Variants in KCNN2 observed in about 807,000 individuals in gnomAD.
The protein encoded by KCNN2 is potassium calcium-activated channel subfamily N member 2.
A neutral mutation model predicts 55.5 loss-of-function variants in KCNN2; 24 were observed. The ratio of observed to expected loss-of-function variants is 0.43; its 90% CI spans 0.31 to 0.61. KCNN2 has a LOEUF of 0.61. Ranked by LOEUF, KCNN2 falls within the 20% of genes least tolerant of loss-of-function variation. The probability of loss-of-function intolerance (pLI) is 0.08; values close to 1 mark genes in which losing one functional copy is unlikely to be tolerated. For missense variants in KCNN2, 754 were observed against 853.6 expected (o/e 0.88, Z 1.45); for synonymous variants, 431 against 336.1 (o/e 1.28, Z -3.09).
intron 2 of KCNN2, among the ~76,000 whole-genome samples, chr5:114,286,355 A>G (rs1056434575): frequency 6.6e-6 from 1 of 152,172 alleles, no homozygotes; most frequent in East Asian, 1.9e-4. Flanking sequence ...GATGCTCAAC[A>G]TGTTAGTCTG....
intron 2 of KCNN2, among the ~76,000 whole-genome samples, chr5:114,386,461 A>C (rs552765433): frequency 1.3e-5 from 2 of 152,276 alleles, no homozygotes; most frequent in African/African-American, 4.8e-5. Context: ...TCTTTCTATC[A>C]CTTCCCCAAA....
chr5:114,428,052 G>A (rs936144968), intron 3 of KCNN2, among the ~76,000 whole-genome samples: 2 of 152,206 alleles, frequency 1.3e-5, no homozygotes, highest in African/African-American at 4.8e-5. Context: ...TCTGTCTGAA[G>A]TTAAGAGTAA....
Position 114,142,885 on chromosome 5 carries a change from C to CA in KCNN2, c.-270-78589dup, listed in dbSNP as rs529542971. ...AACTACTTTAAAGTTCATATGGAAC[C>CA]AAAAAAGAGCCCGCATTGACAAGAC... On this transcript the variant is annotated intron_variant, in intron 1 of 10. Transcript: ENST00000512097. 4.8e-4 allele frequency among the ~76,000 whole-genome samples: 73 copies of CA among 152,140 alleles called. 1 individual carries two copies. In the South Asian group the frequency reaches 6.2e-3, roughly 13 times the overall value.
intron 3 of KCNN2, among the ~76,000 whole-genome samples, chr5:114,454,797 C>T (rs1760848438): frequency 6.6e-6 from 1 of 152,166 alleles, no homozygotes; most frequent in Non-Finnish European, 1.5e-5. Flanking sequence ...TAATCAGTTC[C>T]CCTGGTTTTA....
chr5:114,277,410 T>C (rs113482617), intron 2 of KCNN2, among the ~76,000 whole-genome samples: 3,857 of 152,294 alleles, frequency 0.025, 166 homozygotes, highest in African/African-American at 0.089. Flanking sequence ...GAAGTTCTCT[T>C]GGATAATATC....
At chr5:114,292,472 T>A (rs1755912705) in intron 2 of KCNN2, among the ~76,000 whole-genome samples, 1 of 152,240 alleles carries the variant, frequency 6.6e-6, no homozygotes, top group African/African-American at 2.4e-5. Flanking sequence ...TGCTTGTTTT[T>A]GCCAGGTTTG....
intron 2 of KCNN2, among the ~76,000 whole-genome samples, chr5:114,258,449 G>A (rs1026726370): frequency 9.2e-5 from 14 of 152,098 alleles, no homozygotes; most frequent in African/African-American, 3.4e-4. Context: ...GGGAGAATTT[G>A]GCTGTGAATC....
At position 114,309,026 on chromosome 5, in the gene KCNN2, T is replaced by G. The variant is rs928859704; in HGVS notation, c.-184-51919T>G. ...TATTAAAGAAATTGGAATGTTTAAT[T>G]CTAACACTTGATTTTGGCCTGAAGG... On this transcript the variant is annotated intron_variant, in intron 2 of 10. Coordinates refer to the KCNN2 transcript ENST00000512097. Among the ~76,000 whole-genome samples, 6 of 152,180 alleles carry G rather than the reference T, an allele frequency of 3.9e-5. No individual in the cohort carries two copies. In the East Asian group the frequency reaches 1.2e-3, roughly 29 times the overall value.
intron 1 of KCNN2, among the ~76,000 whole-genome samples, chr5:114,187,130 A>C (rs937032130): frequency 1.3e-5 from 2 of 152,190 alleles, no homozygotes; most frequent in Non-Finnish European, 2.9e-5. Context: ...ATAGTTATTA[A>C]TTTTATCCTA....
intron 1 of KCNN2, among the ~76,000 whole-genome samples, chr5:114,164,540 G>T (rs114488669): frequency 0.031 from 4,693 of 152,134 alleles, 255 homozygotes; most frequent in African/African-American, 0.11. Context: ...GAGTTAGAAA[G>T]TAGCCACCTT....
intron 2 of KCNN2, among the ~76,000 whole-genome samples, chr5:114,341,069 T>A (rs947523109): frequency 2.6e-5 from 4 of 152,216 alleles, no homozygotes; most frequent in Admixed American, 6.5e-5. Flanking sequence ...TATACCACAT[T>A]TTCTTTATCC....
intron 2 of KCNN2, among the ~76,000 whole-genome samples, chr5:114,228,337 AAAG>A (rs1294458263): frequency 4.6e-5 from 7 of 152,122 alleles, no homozygotes; most frequent in Non-Finnish European, 2.9e-5. Flanking sequence ...GTAGAGTAGA[AAAG>A]AAAGTCTTGA....
chr5:114,146,523 G>A (rs764496576), intron 1 of KCNN2, among the ~76,000 whole-genome samples: 42 of 152,074 alleles, frequency 2.8e-4, no homozygotes, highest in Non-Finnish European at 5.6e-4. Flanking sequence ...TGGCTTCTCC[G>A]GTTTGACAGG....
chr5:114,074,877 G>A (rs908436423), intron 1 of KCNN2, among the ~76,000 whole-genome samples: 5 of 152,236 alleles, frequency 3.3e-5, no homozygotes, highest in Non-Finnish European at 4.4e-5. Flanking sequence ...TCCAAGGGAA[G>A]TTGTTTAAAA....
At chr5:114,154,333 A>G (rs916303370) in intron 1 of KCNN2, among the ~76,000 whole-genome samples, 2 of 152,084 alleles carry the variant, frequency 1.3e-5, no homozygotes, top group Non-Finnish European at 2.9e-5. Flanking sequence ...TTGCTTTTGG[A>G]TTTTGTAGTA....
intron 2 of KCNN2, among the ~76,000 whole-genome samples, chr5:114,399,053 G>A (rs114033327): frequency 7.2e-5 from 11 of 152,158 alleles, no homozygotes; most frequent in East Asian, 5.8e-4. Flanking sequence ...TTACATGATC[G>A]CTCTAGCTAA....
At chr5:114,360,286 C>T (rs567136245), upstream of KCNN2, among the ~76,000 whole-genome samples, 69 of 152,172 alleles carry the variant, frequency 4.5e-4, no homozygotes, top group Non-Finnish European at 8.4e-4. Flanking sequence ...CATTCCATGG[C>T]ATTGAAAGCG....
intron 1 of KCNN2, among the ~76,000 whole-genome samples, chr5:114,112,243 C>G (rs1751614524): frequency 6.6e-6 from 1 of 152,096 alleles, no homozygotes; most frequent in Admixed American, 6.5e-5. Flanking sequence ...AAACCAAACA[C>G]TGCATGTTCT....
At chr5:114,444,085 C>T (rs1057163252) in intron 3 of KCNN2, among the ~76,000 whole-genome samples, 1 of 152,174 alleles carries the variant, frequency 6.6e-6, no homozygotes, top group Non-Finnish European at 1.5e-5. Flanking sequence ...TTACAATGGA[C>T]TAAGCCTCTG....
Sources: allele counts gnomAD v4.1 joint callset (sites outside exome capture counted in the v4.1 genomes callset), GRCh38; gene constraint gnomAD v4.1.1; transcripts MANE v1.5; gene names NCBI Gene and HGNC (gene_info 2026-07-23, HGNC 2026-07-21).